The following TFEC variants were observed in gnomAD, a reference collection of about 807,000 sequenced individuals.
TFEC encodes the protein class E basic helix-loop-helix protein 34.
TFEC carries 31 observed loss-of-function variants against 41.6 expected under a neutral mutation model. The ratio of observed to expected loss-of-function variants is 0.74; its 90% CI spans 0.56 to 1.01. The LOEUF (loss-of-function observed/expected upper bound fraction) is 1.01, where lower values mean the gene tolerates loss of function less well. Among genes scored for constraint, TFEC ranks in the 50% least tolerant of loss-of-function variants. TFEC has a pLI of 0.00. For missense variants in TFEC, 402 were observed against 404.1 expected (o/e 0.99, Z 0.04); for synonymous variants, 143 against 140.6 (o/e 1.02, Z -0.12).
intron 1 of TFEC, among the ~76,000 whole-genome samples, chr7:116,142,684 A>G (rs1798565471): frequency 6.6e-6 from 1 of 152,174 alleles, no homozygotes; most frequent in Non-Finnish European, 1.5e-5. Flanking sequence ...CTATGAAAAA[A>G]GAAAGGATCA....
At chr7:116,077,959 C>A (rs945250561) in intron 3 of TFEC, among the ~76,000 whole-genome samples, 2 of 152,104 alleles carry the variant, frequency 1.3e-5, no homozygotes, top group Non-Finnish European at 2.9e-5. Context: ...TTCCACCCAA[C>A]AACTGCAGAA....
At chr7:116,074,690 T>C (rs114409443) in intron 3 of TFEC, among the ~76,000 whole-genome samples, 109 of 152,226 alleles carry the variant, frequency 7.2e-4, no homozygotes, top group African/African-American at 2.5e-3. Flanking sequence ...CTTTGGAAAA[T>C]AATTTAGCAT....
rs1030937493 is a variant in TFEC at position 116,150,766 on chromosome 7, A to T, written c.-69+9024T>A. Among the ~76,000 whole-genome samples, 4 of 152,132 alleles carry T rather than the reference A, an allele frequency of 2.6e-5. 1 individual carries two copies. The highest frequency in any genetic ancestry group is 2.6e-4 in the Admixed American group (4 of 15,270). On this transcript the variant is annotated intron_variant, in intron 1 of 8. Coordinates refer to the TFEC transcript ENST00000484212. ...CTAACACTTAAAAATTCATAAGAAG[A>T]GTTTTCATGTTCTTATATTAGCATT...
At chr7:115,944,955 T>G (rs1210289145) in intron 6 of TFEC, among the ~76,000 whole-genome samples, 3 of 150,886 alleles carry the variant, frequency 2.0e-5, no homozygotes, top group Non-Finnish European at 4.4e-5. Context: ...TTGTCTCATT[T>G]GAGTGATTCC....
At chr7:116,140,332 T>C (rs1339305486) in intron 1 of TFEC, among the ~76,000 whole-genome samples, 1 of 152,214 alleles carries the variant, frequency 6.6e-6, no homozygotes, top group Non-Finnish European at 1.5e-5. Flanking sequence ...CACGCAAGAA[T>C]AGAGCCAATT....
chr7:116,048,107 C>A (rs1445972343), intron 3 of TFEC, among the ~76,000 whole-genome samples: 3 of 152,192 alleles, frequency 2.0e-5, no homozygotes, highest in Admixed American at 6.5e-5. Context: ...AGCTCCTTGC[C>A]AGCAATGGAA....
At chr7:115,942,898 C>T (rs1793577373) in intron 6 of TFEC, among the ~76,000 whole-genome samples, 2 of 152,056 alleles carry the variant, frequency 1.3e-5, no homozygotes, top group South Asian at 2.1e-4. Flanking sequence ...AAAGTAATTG[C>T]TAAATGTTAA....
chr7:116,050,968 TA>T (rs1185710001), intron 3 of TFEC, among the ~76,000 whole-genome samples: 1 of 152,086 alleles, frequency 6.6e-6, no homozygotes, highest in Non-Finnish European at 1.5e-5. Context: ...TATGCAGCCA[TA>T]AAAAAGGATG....
intron 3 of TFEC, among the ~76,000 whole-genome samples, chr7:116,039,764 T>TA (rs1489220149): frequency 2.6e-5 from 4 of 152,086 alleles, no homozygotes; most frequent in Admixed American, 6.6e-5. Flanking sequence ...CTTTGGTGGT[T>TA]AAAAAACGCC....
intron 3 of TFEC, among the ~76,000 whole-genome samples, chr7:116,090,609 T>G (rs1797303598): frequency 6.6e-6 from 1 of 152,082 alleles, no homozygotes. Context: ...GTCCCGTCAC[T>G]TAGGTGAAAG....
chr7:115,972,174 A>T (rs892352930), intron 3 of TFEC, among the ~76,000 whole-genome samples: 1 of 152,038 alleles, frequency 6.6e-6, no homozygotes, highest in Non-Finnish European at 1.5e-5. Context: ...TTAAAATCTT[A>T]ACTATACAGT....
chr7:115,960,365 CAT>C (rs1792475271), intron 3 of TFEC, among the ~76,000 whole-genome samples: 1 of 151,400 alleles, frequency 6.6e-6, no homozygotes, highest in Admixed American at 6.6e-5. Context: ...AAGTTTATCC[CAT>C]AAAGACTAAC....
chr7:115,972,192 A>G (rs1230600224), intron 3 of TFEC, among the ~76,000 whole-genome samples: 2 of 152,052 alleles, frequency 1.3e-5, no homozygotes, highest in East Asian at 3.9e-4. Flanking sequence ...AGTACTTCAT[A>G]ACTATATTTC....
At chr7:115,980,572 A>T (rs1434611258) in intron 2 of TFEC, among the ~76,000 whole-genome samples, 1 of 152,116 alleles carries the variant, frequency 6.6e-6, no homozygotes, top group Non-Finnish European at 1.5e-5. Context: ...CAATACGGCG[A>T]AACTCCGTCT....
intron 1 of TFEC, among the ~76,000 whole-genome samples, chr7:115,985,782 A>G (rs1311773638): frequency 6.6e-6 from 1 of 152,148 alleles, no homozygotes; most frequent in Non-Finnish European, 1.5e-5. Context: ...ATGAGCTTTA[A>G]AGTTGTAAAA....
chr7:116,040,852 G>A (rs191836315), intron 3 of TFEC, among the ~76,000 whole-genome samples: 21 of 152,202 alleles, frequency 1.4e-4, no homozygotes, highest in Admixed American at 5.9e-4. Flanking sequence ...TGATTCTTAC[G>A]TCAAATGGTA....
At chr7:115,943,795 A>G (rs1482158897) in intron 6 of TFEC, among the ~76,000 whole-genome samples, 1 of 151,464 alleles carries the variant, frequency 6.6e-6, no homozygotes, top group Non-Finnish European at 1.5e-5. Context: ...CAATTTTTTA[A>G]GATCTTAAAA....
At chr7:115,949,080 G>C (rs1026836548) in intron 6 of TFEC, among the ~76,000 whole-genome samples, 11 of 152,140 alleles carry the variant, frequency 7.2e-5, no homozygotes, top group Non-Finnish European at 1.6e-4. Context: ...GCCAAATCAT[G>C]AGTGAACTCC....
chr7:116,001,638 T>A (rs1794600979), intron 1 of TFEC, among the ~76,000 whole-genome samples: 1 of 151,602 alleles, frequency 6.6e-6, no homozygotes, highest in African/African-American at 2.4e-5. Flanking sequence ...AAAGCAAAAA[T>A]GGACAAATGG....
Sources: allele counts gnomAD v4.1 joint callset (sites outside exome capture counted in the v4.1 genomes callset), GRCh38; gene constraint gnomAD v4.1.1; transcripts MANE v1.5; gene names NCBI Gene and HGNC (gene_info 2026-07-23, HGNC 2026-07-21).